Variants in ACSM3 observed in about 807,000 individuals in gnomAD.
ACSM3 encodes acyl-coenzyme A synthetase ACSM3, mitochondrial.
ACSM3 carries 61 observed loss-of-function variants against 74.1 expected under a neutral mutation model. The observed-to-expected ratio is 0.82, with a 90% CI of 0.67 to 1.02. ACSM3 has a LOEUF of 1.02. ACSM3 is among the 50% of genes least tolerant of loss of function. ACSM3 has a pLI of 0.00. For missense variants in ACSM3, 660 were observed against 697.0 expected, an observed-to-expected ratio of 0.95 and a Z score of 0.60; for synonymous variants, 213 against 241.5, an observed-to-expected ratio of 0.88 and a Z score of 1.09.
intron 1 of ACSM3, among the ~76,000 whole-genome samples, chr16:20,742,511 C>T (rs553211525): frequency 2.7e-4 from 41 of 152,202 alleles, no homozygotes; most frequent in Non-Finnish European, 5.0e-4. Context: ...GGCGTGGTGG[C>T]GCGCACCTGT....
At chr16:20,788,871 T>G (rs2080532125) in intron 9 of ACSM3, among the ~76,000 whole-genome samples, 1 of 152,194 alleles carries the variant, frequency 6.6e-6, no homozygotes. Context: ...GAATTTATAT[T>G]TTTTTATTTG....
At chr16:20,705,534 T>C (rs2079725001) in intron 1 of ACSM3, among the ~76,000 whole-genome samples, 1 of 152,218 alleles carries the variant, frequency 6.6e-6, no homozygotes. Context: ...TCAAATTTTG[T>C]GTATAAATTC....
intron 1 of ACSM3, chr16:20,690,929 A>G: frequency 6.7e-7 from 1 of 1,486,856 alleles, no homozygotes; most frequent in Non-Finnish European, 9.1e-7. Context: ...CTTTCAGCCT[A>G]GTAGGAGCAA....
intron 1 of ACSM3, among the ~76,000 whole-genome samples, chr16:20,727,686 T>C (rs892973969): frequency 6.6e-5 from 10 of 152,178 alleles, no homozygotes; most frequent in Non-Finnish European, 1.3e-4. Flanking sequence ...CTCCCCCTCA[T>C]GCAGGAGAAA....
chr16:20,796,495 C>T lies in ACSM3; in HGVS notation c.1674+6C>T, dbSNP rs1332286038. 1 of 1,610,512 alleles carries T rather than the reference C, an allele frequency of 6.2e-7. No individual in the cohort carries two copies. The highest frequency in any genetic ancestry group is 8.5e-7 in the Non-Finnish European group (1 of 1,179,288). On this transcript the variant is annotated splice_donor_region_variant and intron_variant, in intron 13 of 13. Transcript: ENST00000289416. The stretch of plus-strand genomic sequence containing the variant: ...CTTACAAATATCCCAGAAAGGTAGG[C>T]ATCCTAATTATAACGAATATTTGCT...
chr16:20,780,871 A>G lies in ACSM3; in HGVS notation c.782+14A>G. 6.2e-7 allele frequency: 1 copy of G among 1,614,070 alleles called. No homozygotes were observed. Among genetic ancestry groups the G allele is most frequent in the South Asian group, 1.1e-5 (1 of 91,076 alleles). ...TGTAAATGGAAGGTATACTTTCACA[A>G]AAGTGCAGCTTGAAGTGTCAAAACT... On this transcript the variant is annotated intron_variant, in intron 5 of 13. Coordinates refer to ENST00000289416, the MANE Select transcript of ACSM3 (RefSeq NM_005622.4).
chr16:20,741,950 CG>C, intron 1 of ACSM3: 1 of 1,531,434 alleles, frequency 6.5e-7, no homozygotes, highest in Non-Finnish European at 8.7e-7. Flanking sequence ...CCTCCTGCCC[CG>C]CCTCCCGACT....
At chr16:20,747,125 G>A (rs944909223) in intron 1 of ACSM3, among the ~76,000 whole-genome samples, 2 of 151,974 alleles carry the variant, frequency 1.3e-5, no homozygotes, top group East Asian at 1.9e-4. Flanking sequence ...AAGGCCCAGC[G>A]ATAGACAGGG....
chr16:20,796,887 T>C lies in ACSM3; in HGVS notation c.1676T>C (p.Val559Ala), dbSNP rs147314780. ...TTAPYKYPRK[V>A]EFIQELPKTI... ...TTTTCTTCCCCTTGATGCCAACAGG[T>C]AGAATTTATTCAAGAGCTGCCAAAG... is the stretch of plus-strand genomic sequence containing the variant. Residue 559 changes from valine to alanine, a missense_variant and splice_region_variant, in exon 14 of 14, where the codon GTA (valine) becomes GCA (alanine). Val to Ala is a moderately conservative substitution (Grantham distance 64). Coordinates refer to ENST00000289416, the MANE Select transcript of ACSM3 (RefSeq NM_005622.4). 6 of 1,611,516 alleles carry C rather than the reference T, an allele frequency of 3.7e-6. No individual in the cohort carries two copies. The African/African-American group carries it at 6.7e-5, about 18-fold the overall frequency.
chr16:20,734,449 T>G (rs1381616689), intron 1 of ACSM3: 1 of 152,534 alleles, frequency 6.6e-6, no homozygotes, highest in Non-Finnish European at 1.5e-5. Flanking sequence ...CTATTCTCTT[T>G]GCCCCTCTCA....
chr16:20,691,022 A>T, intron 1 of ACSM3: 1 of 1,613,390 alleles, frequency 6.2e-7, no homozygotes, highest in Non-Finnish European at 8.5e-7. Flanking sequence ...CCAGTAGTCC[A>T]GTACATAACT....
chr16:20,694,365 T>C (rs1435561064), intron 1 of ACSM3, among the ~76,000 whole-genome samples: 2 of 152,256 alleles, frequency 1.3e-5, no homozygotes, highest in African/African-American at 4.8e-5. Flanking sequence ...ATGGCCTTGC[T>C]GAGTAAATTA....
chr16:20,707,155 C>T (rs1459610941), intron 1 of ACSM3, among the ~76,000 whole-genome samples: 2 of 152,142 alleles, frequency 1.3e-5, no homozygotes, highest in African/African-American at 2.4e-5. Flanking sequence ...CCATGTGAGT[C>T]CCCAGGGTCA....
At chr16:20,755,902 C>T (rs1359729450) in intron 3 of ACSM3, among the ~76,000 whole-genome samples, 5 of 149,596 alleles carry the variant, frequency 3.3e-5, no homozygotes, top group African/African-American at 7.4e-5. Flanking sequence ...TTTGTCCTTG[C>T]GATAGTTTAC....
In ACSM3 at chr16:20,711,404, A is replaced by T. The variant is rs2079743388; in HGVS notation, c.-190+36582A>T. The T allele has an allele frequency of 1.1e-4, 66 of 602,666 alleles. No homozygotes were observed. The South Asian group carries it at 1.2e-3, about 11-fold the overall frequency. The allele number at this position is 602,666 out of a possible 1,614,324, so 37.3% of individuals were successfully genotyped here. On this transcript the variant is annotated intron_variant, in intron 1 of 3. Coordinates refer to the ACSM3 transcript ENST00000561584. The stretch of plus-strand genomic sequence containing the variant: ...AATGCTCCTCCTCACCCAGGCACAA[A>T]GCCCAAATCTTCCACCGTCCACAGA...
chr16:20,774,528 ACTGCGCCTGGCC>A (rs1222400278), intron 2 of ACSM3, among the ~76,000 whole-genome samples: 1 of 152,218 alleles, frequency 6.6e-6, no homozygotes, highest in East Asian at 1.9e-4. Context: ...GGCATGAGCC[ACTGCGCCTGGCC>A]CTATCTATGT....
chr16:20,761,683 G>C (rs1003180112), upstream of ACSM3, among the ~76,000 whole-genome samples: 3 of 152,148 alleles, frequency 2.0e-5, no homozygotes, highest in Non-Finnish European at 2.9e-5. Context: ...TAAAATAATT[G>C]GTTGCAGTAG....
intron 1 of ACSM3, chr16:20,718,591 T>C: frequency 4.8e-6 from 1 of 210,000 alleles, no homozygotes; most frequent in Non-Finnish European, 9.5e-6. Flanking sequence ...TGCTATAAGA[T>C]ATTGCCAATT....
chr16:20,717,960 GAAGAAGAAGAAGAAGAA>G (rs2079769621), intron 1 of ACSM3, among the ~76,000 whole-genome samples: 1 of 63,762 alleles, frequency 1.6e-5, no homozygotes, highest in African/African-American at 7.5e-5. Flanking sequence ...GGAAGAGGAA[GAAGAAGAAGAAGAAGAA>G]GAAGAAGAAG....
Sources: gnomAD v4.1 joint callset for allele counts (sites outside exome capture counted in the v4.1 genomes callset) on GRCh38, gnomAD v4.1.1 for gene constraint, MANE v1.5 for transcripts, NCBI Gene and HGNC (gene_info 2026-07-23, HGNC 2026-07-21) for gene names.